Variants in RPH3A observed in about 807,000 individuals in gnomAD.
RPH3A encodes rabphilin 3A.
RPH3A carries 48 observed loss-of-function variants against 102.2 expected under a neutral mutation model. The observed-to-expected ratio is 0.47, with a 90% CI of 0.37 to 0.60. The LOEUF (loss-of-function observed/expected upper bound fraction) is 0.60, where lower values mean the gene tolerates loss of function less well. RPH3A is among the 20% of genes least tolerant of loss of function. The probability of loss-of-function intolerance (pLI) is 0.00; values close to 1 mark genes in which losing one functional copy is unlikely to be tolerated. For missense variants in RPH3A, 781 were observed against 910.1 expected (o/e 0.86, Z 1.83); for synonymous variants, 310 against 324.3 (o/e 0.96, Z 0.47).
intron 2 of RPH3A, among the ~76,000 whole-genome samples, chr12:112,813,081 C>T (rs556846651): frequency 6.6e-6 from 1 of 152,284 alleles, no homozygotes; most frequent in East Asian, 1.9e-4. Flanking sequence ...CCTTGTTTTT[C>T]TTAGAAGGAA....
intron 1 of RPH3A, among the ~76,000 whole-genome samples, chr12:112,645,320 C>T (rs964973641): frequency 6.6e-6 from 1 of 152,106 alleles, no homozygotes; most frequent in Non-Finnish European, 1.5e-5. Flanking sequence ...CACTTGGTCT[C>T]GTTAAATGTC....
intron 1 of RPH3A, among the ~76,000 whole-genome samples, chr12:112,596,622 A>T (rs559444809): frequency 1.3e-5 from 2 of 152,300 alleles, no homozygotes; most frequent in East Asian, 3.9e-4. Flanking sequence ...ATTTTTAATA[A>T]CTATAGCTTT....
At chr12:112,845,345 C>A (rs2042212350) in intron 4 of RPH3A, among the ~76,000 whole-genome samples, 1 of 152,174 alleles carries the variant, frequency 6.6e-6, no homozygotes, top group African/African-American at 2.4e-5. Flanking sequence ...TCTTTGAGGT[C>A]TCAGCAGGAA....
At chr12:112,892,808 T>A (rs1315348439) in intron 19 of RPH3A, 2 of 152,228 alleles carry the variant, frequency 1.3e-5, no homozygotes, top group African/African-American at 4.8e-5. Flanking sequence ...TCCCCTCCAG[T>A]TGGGAGACAC....
At chr12:112,890,209 C>T in intron 18 of RPH3A, 129 bp downstream of exon 18, 1 of 819,016 alleles carries the variant, frequency 1.2e-6, no homozygotes, top group Non-Finnish European at 2.0e-6. Context: ...GTTGATTTGC[C>T]TTGAGAACAA....
At chr12:112,630,626 C>T (rs1318835767) in intron 1 of RPH3A, among the ~76,000 whole-genome samples, 6 of 152,198 alleles carry the variant, frequency 3.9e-5, no homozygotes, top group Non-Finnish European at 1.5e-5. Flanking sequence ...AAGGGTGTAG[C>T]TGTGAGCCCT....
chr12:112,695,960 C>T, intron 1 of RPH3A, among the ~76,000 whole-genome samples: 1 of 152,040 alleles, frequency 6.6e-6, no homozygotes, highest in South Asian at 2.1e-4. Context: ...TACACTGTAC[C>T]CAATATGTAG....
chr12:112,587,613 C>T (rs1257392204), intron 1 of RPH3A, among the ~76,000 whole-genome samples: 3 of 152,170 alleles, frequency 2.0e-5, no homozygotes, highest in Non-Finnish European at 4.4e-5. Flanking sequence ...TTTTGTACAA[C>T]ATCACAGCCC....
At chr12:112,778,042 G>A (rs17826627) in intron 1 of RPH3A, among the ~76,000 whole-genome samples, 5,442 of 152,262 alleles carry the variant, frequency 0.036, 118 homozygotes, top group African/African-American at 0.055. Context: ...GGAGAAGAGC[G>A]TAACAAATTT....
At chr12:112,675,183 T>TG (rs1272295940) in intron 1 of RPH3A, among the ~76,000 whole-genome samples, 4 of 152,204 alleles carry the variant, frequency 2.6e-5, no homozygotes, top group Admixed American at 6.5e-5. Flanking sequence ...AAGAGTTTTT[T>TG]TTGTTGTTGT....
At chr12:112,813,662 GT>G (rs1466137106) in intron 2 of RPH3A, among the ~76,000 whole-genome samples, 1 of 152,126 alleles carries the variant, frequency 6.6e-6, no homozygotes, top group Non-Finnish European at 1.5e-5. Context: ...CCTAGTGAGG[GT>G]TTTGCCTGAG....
At chr12:112,764,076 T>C (rs1433368981) in intron 1 of RPH3A, among the ~76,000 whole-genome samples, 1 of 152,180 alleles carries the variant, frequency 6.6e-6, no homozygotes, top group Non-Finnish European at 1.5e-5. Flanking sequence ...CCTGGGACAT[T>C]TCCAGGTTCC....
chr12:112,865,334 G>A (rs1295464555), intron 5 of RPH3A, 80 bp from the exon 6 acceptor site: 9 of 1,510,958 alleles, frequency 6.0e-6, no homozygotes, highest in Middle Eastern at 1.8e-4. Context: ...AGAAGGTGAA[G>A]ACTATCAACC....
rs567408864 is a variant in RPH3A at position 112,897,035 on chromosome 12, C to T, written c.*255C>T. The T allele has an allele frequency of 2.4e-4, 106 of 438,206 alleles. No individual in the cohort carries two copies. The highest frequency in any genetic ancestry group is 1.3e-3 in the African/African-American group (68 of 50,968). The allele number at this position is 438,206 out of a possible 1,614,324, so 27.1% of individuals were successfully genotyped here. A position where few individuals can be genotyped will look rare whatever the true frequency, so the allele number is the denominator to read the frequency against. Reference sequence around the variant, plus strand: ...AGCAATGGGGATGGGGTTGGGGAGACGTTTACAAAGAGGTTGATCATTTAA... The same window carrying T: ...AGCAATGGGGATGGGGTTGGGGAGATGTTTACAAAGAGGTTGATCATTTAA... On this transcript the variant is annotated 3_prime_UTR_variant, in exon 22 of 22. Transcript: ENST00000389385.
chr12:112,890,121 T>C lies in RPH3A; in HGVS notation c.1620+41T>C, dbSNP rs773643672. ...GAATTGAAGCCACAGTCAGGGTCTGTACTGGGCTAGGCTAGCATCTTCCTC... is the reference window on the plus strand; with the variant it reads ...GAATTGAAGCCACAGTCAGGGTCTGCACTGGGCTAGGCTAGCATCTTCCTC... On this transcript the variant is annotated intron_variant, in intron 18 of 21. Coordinates refer to ENST00000389385, the MANE Select transcript of RPH3A (RefSeq NM_001143854.2). 3.2e-6 allele frequency: 5 copies of C among 1,570,276 alleles called. No homozygotes were observed. In the East Asian group the frequency reaches 1.1e-4, roughly 35 times the overall value.
At chr12:112,672,047 T>C (rs2040135882) in intron 1 of RPH3A, among the ~76,000 whole-genome samples, 1 of 150,638 alleles carries the variant, frequency 6.6e-6, no homozygotes, top group Non-Finnish European at 1.5e-5. Context: ...TTTATATATA[T>C]ATATATGAGA....
intron 5 of RPH3A, among the ~76,000 whole-genome samples, chr12:112,855,090 C>A (rs1387184257): frequency 6.6e-6 from 1 of 152,182 alleles, no homozygotes; most frequent in East Asian, 1.9e-4. Flanking sequence ...TCAGAAAGAA[C>A]CCCAACCATA....
In RPH3A at chr12:112,687,082, C is replaced by A. The variant is rs558003139; in HGVS notation, c.-139-105061C>A. Among the ~76,000 whole-genome samples, 8 of 152,308 alleles carry A rather than the reference C, an allele frequency of 5.3e-5. No individual in the cohort carries two copies. The East Asian group carries it at 1.5e-3, about 29-fold the overall frequency. On this transcript the variant is annotated intron_variant, in intron 1 of 21. Transcript: ENST00000543106. ...GTGAACTACGATTGCACCACTGCAC[C>A]ACTCCAGCCTGAGTGACAGAGTGAG...
intron 2 of RPH3A, among the ~76,000 whole-genome samples, chr12:112,810,962 CAT>C (rs34529423): frequency 0.36 from 55,092 of 151,000 alleles, 10,725 homozygotes; most frequent in South Asian, 0.54. Flanking sequence ...TTTGTGTGTA[CAT>C]ATATGTGTGT....
Sources: allele counts gnomAD v4.1 joint callset (sites outside exome capture counted in the v4.1 genomes callset), GRCh38; gene constraint gnomAD v4.1.1; transcripts MANE v1.5; gene names NCBI Gene and HGNC (gene_info 2026-07-23, HGNC 2026-07-21).